Variants in SPECC1 observed in about 807,000 individuals in gnomAD.
SPECC1 encodes the protein cytospin-B.
SPECC1 carries 62 observed loss-of-function variants against 104.1 expected under a neutral mutation model. The ratio of observed to expected loss-of-function variants is 0.60; its 90% confidence interval spans 0.49 to 0.74. The LOEUF is 0.74. Ranked by LOEUF, SPECC1 falls within the 30% of genes least tolerant of loss-of-function variation. The probability of loss-of-function intolerance (pLI) is 0.00; values close to 1 mark genes in which losing one functional copy is unlikely to be tolerated. For synonymous variants in SPECC1, 513 were observed against 501.6 expected (o/e 1.02, Z -0.30); for missense variants, 1,306 against 1,310.5 (o/e 1.00, Z 0.05).
At chr17:20,220,702 T>C (rs2037820605) in intron 4 of SPECC1, among the ~76,000 whole-genome samples, 1 of 152,138 alleles carries the variant, frequency 6.6e-6, no homozygotes, top group African/African-American at 2.4e-5. Context: ...TAGCTGGGAC[T>C]TCCAGTACTG....
chr17:20,253,634 T>A (rs771510771), intron 10 of SPECC1, 48 bp downstream of exon 10: 3 of 1,549,914 alleles, frequency 1.9e-6, no homozygotes, highest in Non-Finnish European at 1.8e-6. Context: ...TTCCGTGCAG[T>A]TAACTTTTCT....
At chr17:20,113,765 C>G (rs2048612833) in intron 3 of SPECC1, among the ~76,000 whole-genome samples, 1 of 152,220 alleles carries the variant, frequency 6.6e-6, no homozygotes, top group African/African-American at 2.4e-5. Flanking sequence ...GCAAGTTCCA[C>G]TCAACACCAG....
intron 12 of SPECC1, among the ~76,000 whole-genome samples, chr17:20,290,973 G>A (rs1246882012): frequency 3.3e-5 from 5 of 152,236 alleles, no homozygotes; most frequent in African/African-American, 4.8e-5. Flanking sequence ...GAAGATGTAA[G>A]TGTGTATATA....
intron 7 of SPECC1, chr17:20,239,189 C>T: frequency 9.8e-7 from 1 of 1,022,464 alleles, no homozygotes; most frequent in Non-Finnish European, 1.2e-6. Flanking sequence ...GTTTTGTTGA[C>T]ATTTAAATAT....
At chr17:20,042,506 C>T (rs3909258) in intron 1 of SPECC1, among the ~76,000 whole-genome samples, 9 of 152,098 alleles carry the variant, frequency 5.9e-5, no homozygotes, top group African/African-American at 1.9e-4. Context: ...ACACTGCTGG[C>T]GGGTGAGGGA....
At chr17:20,107,144 C>CAAAAAA (rs531912350) in intron 2 of SPECC1, among the ~76,000 whole-genome samples, 62 of 68,146 alleles carry the variant, frequency 9.1e-4, no homozygotes, top group African/African-American at 2.2e-3. Flanking sequence ...ACTCGTGTCT[C>CAAAAAA]AAAAAAAAAA....
At chr17:20,105,984 C>G (rs1466649704) in intron 2 of SPECC1, among the ~76,000 whole-genome samples, 2 of 152,218 alleles carry the variant, frequency 1.3e-5, no homozygotes, top group Non-Finnish European at 2.9e-5. Context: ...AGCCCTTCCT[C>G]TCTTGGCCTT....
intron 14 of SPECC1, among the ~76,000 whole-genome samples, chr17:20,313,559 T>A (rs1310720292): frequency 1.3e-5 from 2 of 152,188 alleles, no homozygotes; most frequent in Admixed American, 6.5e-5. Context: ...GGGTGTGAAA[T>A]GCTCAGCCCA....
chr17:20,136,825 A>G (rs901654028), intron 3 of SPECC1, among the ~76,000 whole-genome samples: 1 of 152,152 alleles, frequency 6.6e-6, no homozygotes, highest in Admixed American at 6.5e-5. Flanking sequence ...ATGATTTCTC[A>G]GTGGTTACTG....
intron 1 of SPECC1, among the ~76,000 whole-genome samples, chr17:20,079,859 T>A (rs888881101): frequency 6.6e-6 from 1 of 152,090 alleles, no homozygotes; most frequent in African/African-American, 2.4e-5. Flanking sequence ...AGGGATCCTT[T>A]CCCTGGGTGG....
At chr17:20,233,338 G>T (rs978456148) in intron 7 of SPECC1, among the ~76,000 whole-genome samples, 9 of 152,074 alleles carry the variant, frequency 5.9e-5, no homozygotes, top group Non-Finnish European at 4.4e-5. Context: ...CTGATGTTTG[G>T]TTATCATGAA....
intron 13 of SPECC1, among the ~76,000 whole-genome samples, chr17:20,304,038 G>T (rs545922867): frequency 6.7e-6 from 1 of 148,666 alleles, no homozygotes; most frequent in East Asian, 2.0e-4. Flanking sequence ...TTGGGAGGCT[G>T]AGGTAGGCAG....
At chr17:20,072,548 G>C (rs1481678659) in intron 1 of SPECC1, among the ~76,000 whole-genome samples, 1 of 152,240 alleles carries the variant, frequency 6.6e-6, no homozygotes, top group African/African-American at 2.4e-5. Flanking sequence ...ATGGCCATGA[G>C]AGGCAGCAGC....
chr17:20,093,721 TTTTTG>T (rs2047508682), intron 1 of SPECC1, among the ~76,000 whole-genome samples: 1 of 100,644 alleles, frequency 9.9e-6, no homozygotes, highest in African/African-American at 3.9e-5. Flanking sequence ...TTTGTTTTTG[TTTTTG>T]TTTTTTGTTT....
intron 3 of SPECC1, among the ~76,000 whole-genome samples, chr17:20,162,020 C>T (rs1349983668): frequency 1.3e-5 from 2 of 152,060 alleles, no homozygotes; most frequent in African/African-American, 4.8e-5. Flanking sequence ...GTCTCCAATT[C>T]CTGACCTCAG....
intron 4 of SPECC1, among the ~76,000 whole-genome samples, chr17:20,220,558 G>GTTTTTTTTTTTTTTTT (rs34347184): frequency 7.8e-6 from 1 of 128,082 alleles, no homozygotes. Flanking sequence ...GTTCTTAATA[G>GTTTTTTTTTTTTTTTT]TTTTTTTTTT....
At chr17:20,169,792 C>T (rs886376818) in intron 3 of SPECC1, among the ~76,000 whole-genome samples, 12 of 152,092 alleles carry the variant, frequency 7.9e-5, no homozygotes, top group African/African-American at 2.7e-4. Context: ...CATGAGCCAC[C>T]GCTCATGGCC....
chr17:20,169,588 C>T (rs1018626144), intron 3 of SPECC1, among the ~76,000 whole-genome samples: 3 of 151,406 alleles, frequency 2.0e-5, no homozygotes, highest in Non-Finnish European at 2.9e-5. Context: ...TCCCTTATTG[C>T]GTTATATATA....
At chr17:20,032,369 C>T (rs957614696) in intron 1 of SPECC1, among the ~76,000 whole-genome samples, 2 of 152,128 alleles carry the variant, frequency 1.3e-5, no homozygotes, top group African/African-American at 4.8e-5. Context: ...TCCTCTTTCT[C>T]ATCTGCTTCC....
Sources: allele counts gnomAD v4.1 joint callset (sites outside exome capture counted in the v4.1 genomes callset), GRCh38; gene constraint gnomAD v4.1.1; transcripts MANE v1.5; gene names NCBI Gene and HGNC (gene_info 2026-07-23, HGNC 2026-07-21).